ZNF618: variants seen among roughly 807,000 people sequenced by gnomAD.
The protein encoded by ZNF618 is zinc finger protein 618.
Under a neutral mutation model 103.0 loss-of-function variants are expected in ZNF618, and 34 were observed. The ratio of observed to expected loss-of-function variants is 0.33; its 90% CI spans 0.25 to 0.44. The LOEUF is 0.44. Ranked by LOEUF, ZNF618 falls within the 20% of genes least tolerant of loss-of-function variation. The pLI is 1.00. For synonymous variants in ZNF618, 551 were observed against 542.2 expected (o/e 1.02, Z -0.23); for missense variants, 1,059 against 1,295.4 (o/e 0.82, Z 2.80).
intron 1 of ZNF618, among the ~76,000 whole-genome samples, chr9:113,965,516 A>G (rs1030384120): frequency 6.6e-6 from 1 of 152,062 alleles, no homozygotes; most frequent in East Asian, 1.9e-4. Flanking sequence ...GGGCTTAGAT[A>G]CACCTTCACC....
At chr9:113,916,065 CGT>C (rs1490863781) in intron 1 of ZNF618, among the ~76,000 whole-genome samples, 1 of 117,320 alleles carries the variant, frequency 8.5e-6, no homozygotes, top group Non-Finnish European at 1.9e-5. Flanking sequence ...GAGACATGCG[CGT>C]GTGTCTGTGT....
chr9:114,032,822 C>G, intron 12 of ZNF618, 94 bp downstream of exon 12: 3 of 1,092,006 alleles, frequency 2.7e-6, no homozygotes, highest in Non-Finnish European at 4.2e-6. Context: ...GGGCTGGGGT[C>G]TTTGTGGTGC....
At position 114,008,460 on chromosome 9, in the gene ZNF618, C is replaced by A; in HGVS notation, c.677-17C>A. ...CCTGGGGGACCAGGGTGCTAAGGGCCGTGTGTTCTCCCACAGACCCCTTCG... is the reference window on the plus strand; with the variant it reads ...CCTGGGGGACCAGGGTGCTAAGGGCAGTGTGTTCTCCCACAGACCCCTTCG... On this transcript the variant is annotated splice_polypyrimidine_tract_variant and intron_variant, in intron 8 of 14. Coordinates refer to ENST00000374126, the MANE Select transcript of ZNF618 (RefSeq NM_001318042.2). The A allele has an allele frequency of 6.2e-7, 1 of 1,613,904 alleles. No homozygotes were observed. The highest frequency in any genetic ancestry group is 8.5e-7 in the Non-Finnish European group (1 of 1,179,854).
intron 2 of ZNF618, among the ~76,000 whole-genome samples, chr9:113,971,810 G>C (rs1837997636): frequency 6.6e-6 from 1 of 152,100 alleles, no homozygotes; most frequent in Admixed American, 6.6e-5. Flanking sequence ...GGGGTAGGGT[G>C]GCACGTGAGA....
At chr9:113,922,947 T>G (rs1832779390) in intron 1 of ZNF618, among the ~76,000 whole-genome samples, 1 of 152,196 alleles carries the variant, frequency 6.6e-6, no homozygotes, top group African/African-American at 2.4e-5. Flanking sequence ...GGAATATCTC[T>G]TTATTTATTT....
At chr9:113,977,109 C>T (rs904516845) in intron 2 of ZNF618, among the ~76,000 whole-genome samples, 7 of 152,142 alleles carry the variant, frequency 4.6e-5, no homozygotes, top group African/African-American at 9.7e-5. Context: ...TTGGTTGTCA[C>T]GCCCCTAGTG....
intron 2 of ZNF618, among the ~76,000 whole-genome samples, chr9:113,976,992 T>C (rs1245716931): frequency 1.3e-5 from 2 of 152,124 alleles, no homozygotes; most frequent in African/African-American, 4.8e-5. Context: ...AAGGACTGGA[T>C]CATGTAGTTA....
chr9:113,996,735 A>G (rs1169679079), intron 3 of ZNF618, among the ~76,000 whole-genome samples: 1 of 152,180 alleles, frequency 6.6e-6, no homozygotes, highest in Non-Finnish European at 1.5e-5. Context: ...CCCTGGGAGC[A>G]GTCCCAGGGC....
intron 1 of ZNF618, among the ~76,000 whole-genome samples, chr9:113,896,246 G>T (rs940517882): frequency 2.0e-5 from 3 of 152,072 alleles, no homozygotes; most frequent in African/African-American, 7.2e-5. Flanking sequence ...AAATTCTTGA[G>T]TGAAAGCTTG....
At chr9:113,918,355 A>G (rs1257415152) in intron 1 of ZNF618, among the ~76,000 whole-genome samples, 2 of 152,132 alleles carry the variant, frequency 1.3e-5, no homozygotes, top group East Asian at 3.9e-4. Flanking sequence ...CTTTGCATTA[A>G]TAAGTGTTTT....
At chr9:113,998,441 G>A in intron 4 of ZNF618, 87 bp downstream of exon 4, 1 of 1,225,734 alleles carries the variant, frequency 8.2e-7, no homozygotes, top group East Asian at 2.5e-5. Context: ...ACAGACCTGA[G>A]TAAGCAGGCC....
At chr9:113,917,207 T>C (rs1219455724) in intron 1 of ZNF618, among the ~76,000 whole-genome samples, 1 of 151,948 alleles carries the variant, frequency 6.6e-6, no homozygotes. Context: ...GATATATCCT[T>C]CTTTGCCTAG....
Position 114,049,280 on chromosome 9 carries a change from G to T in ZNF618, c.1978G>T (p.Glu660Ter). The T allele has an allele frequency of 6.2e-7, 1 of 1,612,270 alleles. No homozygotes were observed. Among genetic ancestry groups the T allele is most frequent in the Non-Finnish European group, 8.5e-7 (1 of 1,179,660 alleles). Residue 660 changes from glutamate (E) to a stop codon, truncating the protein, a stop_gained, in exon 15 of 15, where the codon GAG becomes TAG. Transcript: ENST00000374126. LOFTEE classifies it high-confidence loss of function. ...KRTLQARSMH[E>*]VIELLNVCED... is the part of the protein sequence containing the mutation. The stretch of plus-strand genomic sequence containing the variant: ...GACACTGCAGGCCCGCAGCATGCAC[G>T]AGGTCATCGAGCTGCTCAACGTGTG...
intron 1 of ZNF618, among the ~76,000 whole-genome samples, chr9:113,939,559 T>C (rs1588099517): frequency 6.6e-6 from 1 of 152,256 alleles, no homozygotes; most frequent in Non-Finnish European, 1.5e-5. Flanking sequence ...AAAACATAGA[T>C]ATAATTCGCT....
Position 114,048,856 on chromosome 9 carries a change from C to G in ZNF618, c.1554C>G (p.Phe518Leu), listed in dbSNP as rs1564348815. 6.2e-7 allele frequency: 1 copy of G among 1,608,636 alleles called. No homozygotes were observed. The highest frequency in any genetic ancestry group is 1.3e-5 in the African/African-American group (1 of 74,932). ...AFSVTEILGN[F>L]NTLALKHLPR... ...CGGTCACTGAAATCCTGGGCAACTTCAACACGCTGGCGCTGAAGCACCTGC... is the reference window on the plus strand; with the variant it reads ...CGGTCACTGAAATCCTGGGCAACTTGAACACGCTGGCGCTGAAGCACCTGC... Residue 518 changes from phenylalanine (F) to leucine (L), a missense_variant, in exon 15 of 15, where the codon TTC becomes TTG. Physicochemically the swap from Phe to Leu is conservative, Grantham distance 22. Transcript: ENST00000374126.
At chr9:114,039,587 GT>G (rs2134423171) in intron 13 of ZNF618, among the ~76,000 whole-genome samples, 1 of 152,288 alleles carries the variant, frequency 6.6e-6, no homozygotes, top group South Asian at 2.1e-4. Flanking sequence ...CTGGCCTCAA[GT>G]GATCCGCCCA....
At position 114,053,893 on chromosome 9, in the gene ZNF618, C is replaced by T. The variant is rs1302217365; in HGVS notation, c.*3726C>T. ...ATCACCAGTGAGGAAGCTTTGCCAC[C>T]ATCCTGCTTGGCAGCTTCACACTTG... On this transcript the variant is annotated 3_prime_UTR_variant, in exon 15 of 15. Transcript: ENST00000374126. 1 of 152,246 alleles carries T rather than the reference C, an allele frequency of 6.6e-6. No homozygotes were observed. Among genetic ancestry groups the T allele is most frequent in the Admixed American group, 6.5e-5 (1 of 15,284 alleles). The allele number at this position is 152,246 out of a possible 1,614,324, so 9.4% of individuals were successfully genotyped here.
At chr9:113,940,462 A>AT (rs888033051) in intron 1 of ZNF618, among the ~76,000 whole-genome samples, 2 of 149,562 alleles carry the variant, frequency 1.3e-5, no homozygotes, top group African/African-American at 4.9e-5. Context: ...ATTGTAACTG[A>AT]TTTTTTTCTT....
intron 9 of ZNF618, among the ~76,000 whole-genome samples, chr9:114,015,580 C>A (rs1004709104): frequency 7.9e-5 from 12 of 152,124 alleles, no homozygotes; most frequent in African/African-American, 2.9e-4. Flanking sequence ...ATACCCTTTC[C>A]CTCTCTTGAA....
Sources: allele counts gnomAD v4.1 joint callset (sites outside exome capture counted in the v4.1 genomes callset), GRCh38; gene constraint gnomAD v4.1.1; transcripts MANE v1.5; gene names NCBI Gene and HGNC (gene_info 2026-07-23, HGNC 2026-07-21).